The following SMYD3 variants were observed in gnomAD, a reference collection of about 807,000 sequenced individuals.
SMYD3 encodes SET and MYND domain containing 3.
Under a neutral mutation model 57.7 loss-of-function variants are expected in SMYD3, and 36 were observed. That is an observed-to-expected ratio of 0.62 (90% CI 0.48 to 0.82). SMYD3 has a LOEUF of 0.82. Ranked by LOEUF, SMYD3 falls within the 40% of genes least tolerant of loss-of-function variation. The pLI, the probability that SMYD3 is intolerant of heterozygous loss-of-function variation, is 0.00. For synonymous variants in SMYD3, 211 were observed against 195.0 expected, an observed-to-expected ratio of 1.08 and a Z score of -0.68; for missense variants, 515 against 538.8, an observed-to-expected ratio of 0.96 and a Z score of 0.44.
intron 5 of SMYD3, among the ~76,000 whole-genome samples, chr1:246,060,999 G>T (rs1347891757): frequency 1.3e-5 from 2 of 152,160 alleles, no homozygotes; most frequent in African/African-American, 4.8e-5. Flanking sequence ...AGGCCGAGGC[G>T]GGCGGATCAT....
intron 8 of SMYD3, among the ~76,000 whole-genome samples, chr1:245,867,652 G>A (rs1467663646): frequency 3.0e-5 from 4 of 131,448 alleles, no homozygotes; most frequent in African/African-American, 8.6e-5. Flanking sequence ...GCATGCGCGT[G>A]CGTGTGCGTG....
chr1:246,266,823 AG>A (rs2064119349), intron 5 of SMYD3, among the ~76,000 whole-genome samples: 1 of 152,104 alleles, frequency 6.6e-6, no homozygotes. Flanking sequence ...AGAAAGATAG[AG>A]AGAGAAAGAA....
chr1:245,798,459 CACAT>C (rs2047686217), intron 10 of SMYD3, among the ~76,000 whole-genome samples: 1 of 84,674 alleles, frequency 1.2e-5, no homozygotes, highest in East Asian at 3.6e-4. Flanking sequence ...AATATGCACA[CACAT>C]ACACACACAT....
At chr1:245,757,217 T>C (rs1023312414) in intron 11 of SMYD3, among the ~76,000 whole-genome samples, 1 of 152,110 alleles carries the variant, frequency 6.6e-6, no homozygotes, top group Non-Finnish European at 1.5e-5. Flanking sequence ...AGGTACCTCA[T>C]ATAAGTGGAA....
chr1:246,229,630 A>G lies in SMYD3; in HGVS notation c.531+97571T>C, dbSNP rs953483467. 3.3e-5 allele frequency among the ~76,000 whole-genome samples: 5 copies of G among 152,188 alleles called. 1 individual carries two copies. The South Asian group carries it at 6.2e-4, about 19-fold the overall frequency. On this transcript the variant is annotated intron_variant, in intron 5 of 11. Transcript: ENST00000490107. ...TTCTGGAGGCTGGGAAGGTGCTAAT[A>G]TCCAGCAAAGGACCTCTGACTGCGT...
intron 5 of SMYD3, among the ~76,000 whole-genome samples, chr1:246,326,569 T>A (rs1572384062): frequency 1.4e-5 from 2 of 147,868 alleles, no homozygotes; most frequent in Non-Finnish European, 1.5e-5. Flanking sequence ...AGGTCAGGAG[T>A]TCAAGACCAT....
At chr1:246,427,528 A>AT (rs112263061) in intron 1 of SMYD3, among the ~76,000 whole-genome samples, 1,548 of 147,322 alleles carry the variant, frequency 0.011, 25 homozygotes, top group African/African-American at 0.029. Context: ...TCAAAAAAAA[A>AT]AAAAATAAAA....
At chr1:246,187,337 G>A (rs1370467982) in intron 5 of SMYD3, among the ~76,000 whole-genome samples, 2 of 151,434 alleles carry the variant, frequency 1.3e-5, no homozygotes, top group Non-Finnish European at 2.9e-5. Context: ...TAGGAATGAA[G>A]AGTGGAAAAG....
At chr1:246,387,208 G>A (rs548079831) in intron 1 of SMYD3, among the ~76,000 whole-genome samples, 2 of 152,236 alleles carry the variant, frequency 1.3e-5, no homozygotes, top group East Asian at 1.9e-4. Flanking sequence ...TATGGTATAC[G>A]GTATGAGCTT....
At chr1:246,427,808 T>G (rs531531475) in intron 1 of SMYD3, among the ~76,000 whole-genome samples, 1 of 152,060 alleles carries the variant, frequency 6.6e-6, no homozygotes, top group Non-Finnish European at 1.5e-5. Context: ...GAGCCATGAC[T>G]GTGTCACTGC....
At chr1:245,912,006 T>C (rs1391830797) in intron 8 of SMYD3, among the ~76,000 whole-genome samples, 1 of 152,076 alleles carries the variant, frequency 6.6e-6, no homozygotes, top group Non-Finnish European at 1.5e-5. Flanking sequence ...TGTACAACTA[T>C]CATATATCAA....
intron 3 of SMYD3, among the ~76,000 whole-genome samples, chr1:246,332,750 G>A (rs1020910262): frequency 6.6e-6 from 1 of 152,222 alleles, no homozygotes; most frequent in African/African-American, 2.4e-5. Context: ...GGAGGTTGCA[G>A]TGAGCCAAGC....
At chr1:245,763,698 A>G (rs1451395736) in intron 11 of SMYD3, among the ~76,000 whole-genome samples, 1 of 152,332 alleles carries the variant, frequency 6.6e-6, no homozygotes, top group East Asian at 1.9e-4. Context: ...GGGAGGAGGC[A>G]CAAACAAGGT....
chr1:245,811,018 T>C lies in SMYD3; in HGVS notation c.1077-46869A>G, dbSNP rs142333267. Reference sequence around the variant, plus strand: ...TTTTCTCACCTCTCTCCAGGCTCACTGATGCATCTTCCAATTCAACATGGC... The same window carrying C: ...TTTTCTCACCTCTCTCCAGGCTCACCGATGCATCTTCCAATTCAACATGGC... On this transcript the variant is annotated intron_variant, in intron 10 of 11. Coordinates refer to ENST00000490107, the MANE Select transcript of SMYD3 (RefSeq NM_001167740.2). 4.1e-4 allele frequency among the ~76,000 whole-genome samples: 62 copies of C among 152,350 alleles called. 2 individuals are homozygous for C. In the East Asian group the frequency reaches 8.9e-3, roughly 22 times the overall value.
intron 5 of SMYD3, among the ~76,000 whole-genome samples, chr1:245,966,293 T>C (rs886098598): frequency 6.6e-6 from 1 of 151,892 alleles, no homozygotes; most frequent in African/African-American, 2.4e-5. Flanking sequence ...TACCTCAGCC[T>C]CCCCACTAGA....
At chr1:246,187,725 A>G (rs557966373) in intron 5 of SMYD3, among the ~76,000 whole-genome samples, 2 of 152,360 alleles carry the variant, frequency 1.3e-5, no homozygotes, top group South Asian at 2.1e-4. Context: ...AACATGATTA[A>G]CAAGTCATTG....
At chr1:245,948,872 T>G (rs1010961645) in intron 5 of SMYD3, among the ~76,000 whole-genome samples, 1 of 152,124 alleles carries the variant, frequency 6.6e-6, no homozygotes, top group Non-Finnish European at 1.5e-5. Context: ...CCTGGCCCAG[T>G]TCCACCAGCC....
At chr1:246,216,794 A>G (rs10924564) in intron 5 of SMYD3, among the ~76,000 whole-genome samples, 40,274 of 151,972 alleles carry the variant, frequency 0.27, 6,053 homozygotes, top group East Asian at 0.58. Context: ...ATACCAGGCC[A>G]GTAAGTAAAC....
chr1:245,901,406 C>T (rs1268522374), intron 8 of SMYD3, among the ~76,000 whole-genome samples: 1 of 152,154 alleles, frequency 6.6e-6, no homozygotes, highest in Non-Finnish European at 1.5e-5. Flanking sequence ...TGAAATATTT[C>T]ATATTGGACC....
Sources: gnomAD v4.1 joint callset for allele counts (sites outside exome capture counted in the v4.1 genomes callset) on GRCh38, gnomAD v4.1.1 for gene constraint, MANE v1.5 for transcripts, NCBI Gene and HGNC (gene_info 2026-07-23, HGNC 2026-07-21) for gene names.